LSP1: variants seen among roughly 807,000 people sequenced by gnomAD.
LSP1 encodes the protein lymphocyte specific protein 1, also known as lymphocyte-specific protein 1.
Under a neutral mutation model 49.3 loss-of-function variants are expected in LSP1, and 32 were observed. The observed-to-expected ratio is 0.65, with a 90% CI of 0.49 to 0.87. The LOEUF (loss-of-function observed/expected upper bound fraction) is 0.87. Ranked by LOEUF, LSP1 falls within the 40% of genes least tolerant of loss-of-function variation. The probability of loss-of-function intolerance (pLI) is 0.00; values close to 1 mark genes in which losing one functional copy is unlikely to be tolerated. For synonymous variants in LSP1, 179 were observed against 178.8 expected (o/e 1.00, Z -0.01); for missense variants, 428 against 442.6 (o/e 0.97, Z 0.30).
Position 1,884,140 on chromosome 11 carries a change from AT to A in LSP1, c.591+117del. On this transcript the variant is annotated intron_variant, in intron 5 of 10. Transcript: ENST00000311604. This position sits in a 1 kb window ranked among gnomAD's most constrained non-coding sequence, Gnocchi z 4.1. ...GGCCCAGGCCTGGCTTTTGTCTGCT[AT>A]CCCCCCATTGCCCGGTGCTCAGCGA... The A allele has an allele frequency of 7.0e-7, 1 of 1,428,478 alleles. No individual in the cohort carries two copies. The highest frequency in any genetic ancestry group is 2.3e-5 in the East Asian group (1 of 43,814). The allele number at this position is 1,428,478 out of a possible 1,614,324, so 88.5% of individuals were successfully genotyped here.
intron 3 of LSP1, 137 bp from the exon 4 acceptor site, chr11:1,883,282 G>C: frequency 9.2e-7 from 1 of 1,088,396 alleles, no homozygotes; most frequent in South Asian, 1.5e-5. Context: ...ATGGGCTTGG[G>C]TCTCAGATCC....
chr11:1,875,751 C>T (rs534951628), intron 1 of LSP1, among the ~76,000 whole-genome samples: 2 of 152,282 alleles, frequency 1.3e-5, no homozygotes, highest in South Asian at 2.1e-4. Flanking sequence ...CAGCACCAGG[C>T]GTTGGGGGGC....
intron 2 of LSP1, chr11:1,880,549 C>T: frequency 7.5e-6 from 2 of 267,666 alleles, no homozygotes; most frequent in Non-Finnish European, 1.4e-5. Context: ...CCGCCAGTGA[C>T]TCACAGAGCC....
chr11:1,856,644 C>G (rs979470622), intron 1 of LSP1, among the ~76,000 whole-genome samples: 1 of 152,262 alleles, frequency 6.6e-6, no homozygotes, highest in Non-Finnish European at 1.5e-5. Context: ...CCCTGGAGAC[C>G]CTCAGAGCTC....
At chr11:1,883,897 G>A in intron 4 of LSP1, 35 bp from the exon 5 acceptor site, 1 of 1,566,554 alleles carries the variant, frequency 6.4e-7, no homozygotes, top group Non-Finnish European at 8.6e-7. Context: ...GCACAAGCAG[G>A]GGGTCACTTG....
intron 1 of LSP1, chr11:1,870,004 G>A: frequency 2.6e-6 from 1 of 387,940 alleles, no homozygotes; most frequent in South Asian, 1.9e-5. Flanking sequence ...CCCTGCGTGA[G>A]ACGTGAGAGG....
chr11:1,871,600 G>A (rs1372559253), intron 1 of LSP1, among the ~76,000 whole-genome samples: 1 of 152,330 alleles, frequency 6.6e-6, no homozygotes, highest in East Asian at 1.9e-4. Context: ...GCGGCTCTGC[G>A]GAGGCCACAC....
At chr11:1,868,659 C>T in intron 1 of LSP1, 3 of 985,536 alleles carry the variant, frequency 3.0e-6, no homozygotes, top group Non-Finnish European at 3.6e-6. Flanking sequence ...GGTGGGGTAG[C>T]CCCCGCCCTG....
chr11:1,887,610 G>A (rs376043032), intron 10 of LSP1, 34 bp downstream of exon 10: 6 of 1,529,068 alleles, frequency 3.9e-6, no homozygotes, highest in Non-Finnish European at 5.4e-6. Context: ...AGGGGATGAG[G>A]TGCACACACG....
intron 10 of LSP1, chr11:1,890,185 T>G: frequency 1.4e-6 from 1 of 716,502 alleles, no homozygotes; most frequent in Non-Finnish European, 2.6e-6. Context: ...GTGAGGCCGA[T>G]GGAGAACGTG....
Position 1,883,369 on chromosome 11 carries a change from C to A in LSP1, c.357-50C>A, listed in dbSNP as rs145722024. On this transcript the variant is annotated intron_variant, in intron 3 of 10. Transcript: ENST00000311604. ...GGCTTGGAAAAAGGAAGGGGTCAAC[C>A]AAGCAATCCAATGGCCCTAGAACGG... is the stretch of plus-strand genomic sequence containing the variant. The A allele has an allele frequency of 1.7e-4, 279 of 1,600,750 alleles. 1 individual carries two copies. In the African/African-American group the frequency reaches 2.6e-3, roughly 15 times the overall value.
intron 1 of LSP1, among the ~76,000 whole-genome samples, chr11:1,854,417 G>T (rs376235684): frequency 2.1e-4 from 32 of 152,314 alleles, no homozygotes; most frequent in South Asian, 6.2e-4. Context: ...ACCACCTCCC[G>T]GCCTTCACAC....
chr11:1,879,390 G>T lies in LSP1; in HGVS notation c.54-697G>T, dbSNP rs547913330. Among the ~76,000 whole-genome samples the T allele has an allele frequency of 4.6e-5, 7 of 152,306 alleles. No homozygotes were observed. In the East Asian group the frequency reaches 1.4e-3, roughly 29 times the overall value. On this transcript the variant is annotated intron_variant, in intron 1 of 10. Coordinates refer to ENST00000311604, the MANE Select transcript of LSP1 (RefSeq NM_002339.3). ...ACAGCTCAGAGAGACTCCGCAGAGG[G>T]CTCTGAAATAAGGATGGGGTGGGGT... is the stretch of plus-strand genomic sequence containing the variant.
intron 1 of LSP1, among the ~76,000 whole-genome samples, chr11:1,862,765 GCCTCCCCTGGGTGATCTCA>G (rs143722686): frequency 0.64 from 96,175 of 149,208 alleles, 31,036 homozygotes; most frequent in East Asian, 0.77. Context: ...AGGTAATCTC[GCCTCCCCTGGGTGATCTCA>G]CCTCCCCTGG....
chr11:1,863,840 A>G (rs1016132113), intron 1 of LSP1, among the ~76,000 whole-genome samples: 1 of 152,030 alleles, frequency 6.6e-6, no homozygotes, highest in East Asian at 1.9e-4. Context: ...CTGTGCCAAT[A>G]CCAAACCGAA....
chr11:1,889,776 A>C lies in LSP1; in HGVS notation c.*14-1997A>C, dbSNP rs1848913052. On this transcript the variant is annotated intron_variant, in intron 10 of 10. Transcript: ENST00000311604. ...CTCCAGCGAGCGGCAGGTCGGGGCTATGGGCACCACAACCCTGGCACTAGC... is the reference window on the plus strand; with the variant it reads ...CTCCAGCGAGCGGCAGGTCGGGGCTCTGGGCACCACAACCCTGGCACTAGC... 9 of 651,198 alleles carry C rather than the reference A, an allele frequency of 1.4e-5. 1 individual carries two copies. In the Middle Eastern group the frequency reaches 1.7e-3, roughly 124 times the overall value. 40.3% of individuals were successfully genotyped at this position (651,198 alleles called of 1,614,324 possible).
intron 7 of LSP1, among the ~76,000 whole-genome samples, chr11:1,885,445 C>T (rs1215703899): frequency 6.6e-6 from 1 of 152,118 alleles, no homozygotes; most frequent in Non-Finnish European, 1.5e-5. Context: ...CTCCTCCATT[C>T]AATCAATTCC....
At chr11:1,867,165 G>A (rs760519011) in intron 1 of LSP1, among the ~76,000 whole-genome samples, 46 of 152,252 alleles carry the variant, frequency 3.0e-4, no homozygotes, top group Non-Finnish European at 5.1e-4. Context: ...ATAAGGACCC[G>A]TCCCTTTGAA....
intron 1 of LSP1, among the ~76,000 whole-genome samples, chr11:1,874,460 C>G (rs1249945359): frequency 6.6e-6 from 1 of 152,124 alleles, no homozygotes; most frequent in African/African-American, 2.4e-5. Context: ...CAGAGGGTGG[C>G]TGAGACTCAG....
Sources: allele counts gnomAD v4.1 joint callset (sites outside exome capture counted in the v4.1 genomes callset), GRCh38; gene constraint gnomAD v4.1.1; non-coding constraint Gnocchi (gnomAD v3.1); transcripts MANE v1.5; gene names NCBI Gene and HGNC (gene_info 2026-07-23, HGNC 2026-07-21).